The following SMARCC2 variants were observed in gnomAD, a reference collection of about 807,000 sequenced individuals.
The protein encoded by SMARCC2 is SWI/SNF related BAF chromatin remodeling complex subunit C2, also known as SWI/SNF complex subunit SMARCC2.
Under a neutral mutation model 151.3 loss-of-function variants are expected in SMARCC2, and 15 were observed. The ratio of observed to expected loss-of-function variants is 0.10; its 90% CI spans 0.07 to 0.15. SMARCC2 has a LOEUF of 0.15. SMARCC2 is among the 10% of genes least tolerant of loss of function. The probability of loss-of-function intolerance (pLI) is 1.00; values close to 1 mark genes in which losing one functional copy is unlikely to be tolerated. For missense variants in SMARCC2, 1,031 were observed against 1,599.7 expected (o/e 0.64, Z 6.06); for synonymous variants, 590 against 609.5 (o/e 0.97, Z 0.47).
rs1872022470 is a variant in SMARCC2 at position 56,162,542 on chromosome 12, AC to A, written c.*1146del. On this transcript the variant is annotated 3_prime_UTR_variant, in exon 29 of 29. Coordinates refer to ENST00000550164, the MANE Select transcript of SMARCC2 (RefSeq NM_001330288.2). ...AAGAACCAGTGCAGAGCCTGGAGTC[AC>A]ACCTGCCTTCCCGTCACAGGGGAGA... 3.9e-6 allele frequency: 2 copies of A among 506,772 alleles called. No individual in the cohort carries two copies. Among genetic ancestry groups the A allele is most frequent in the East Asian group, 6.4e-5 (2 of 31,458 alleles). 31.4% of individuals were successfully genotyped at this position (506,772 alleles called of 1,614,324 possible). A position where few individuals can be genotyped will look rare whatever the true frequency, so the allele number is the denominator to read the frequency against.
chr12:56,181,562 C>T lies in SMARCC2; in HGVS notation c.876G>A (p.Lys292=), dbSNP rs1365061780. 3 of 1,591,554 alleles carry T rather than the reference C, an allele frequency of 1.9e-6. No individual in the cohort carries two copies. In the Admixed American group the frequency reaches 5.3e-5, roughly 28 times the overall value. The change falls in exon 10 of 29, where the codon AAG becomes AAA. Residue 292 remains lysine (K), a synonymous_variant. Transcript: ENST00000550164. ...GCTTCCTCTTCTTATAGTTTCCCCCCTTCTTGTCCCGTCGATCTGAATCTG... is the reference window on the plus strand; with the variant it reads ...GCTTCCTCTTCTTATAGTTTCCCCCTTTCTTGTCCCGTCGATCTGAATCTG... ...NSPDSDRRDK[K]GGNYKKRKRS...
chr12:56,163,248 C>G lies in SMARCC2; in HGVS notation c.*441G>C, dbSNP rs1731911212. 1.3e-5 allele frequency: 2 copies of G among 151,994 alleles called. No homozygotes were observed. The highest frequency in any genetic ancestry group is 2.9e-5 in the Non-Finnish European group (2 of 68,028). The allele number at this position is 151,994 out of a possible 1,614,324, so 9.4% of individuals were successfully genotyped here. ...ATCTTAATTCCCCTTTCCTAAAACT[C>G]ACTCCCCCTCAAAAAATGTAAAAAT... is the stretch of plus-strand genomic sequence containing the variant. On this transcript the variant is annotated 3_prime_UTR_variant, in exon 29 of 29. Coordinates refer to ENST00000550164, the MANE Select transcript of SMARCC2 (RefSeq NM_001330288.2).
In SMARCC2 at chr12:56,171,154, C is replaced by A. The variant is rs1592288092; in HGVS notation, c.2347+117G>T. 1.0e-6 allele frequency: 1 copy of A among 959,814 alleles called. No homozygotes were observed. Among genetic ancestry groups the A allele is most frequent in the African/African-American group, 1.6e-5 (1 of 61,168 alleles). The allele number at this position is 959,814 out of a possible 1,614,324, so 59.5% of individuals were successfully genotyped here. On this transcript the variant is annotated intron_variant, in intron 22 of 28. Coordinates refer to ENST00000550164, the MANE Select transcript of SMARCC2 (RefSeq NM_001330288.2). The surrounding 1 kb of genome is among the most constrained non-coding windows in gnomAD (Gnocchi z 4.2). ...ACTCATGGGGAAAATAAAAACCCTA[C>A]CAATGTTCTCATTCATGTTGTGCTC...
At position 56,181,509 on chromosome 12, in the gene SMARCC2, T is replaced by C; in HGVS notation, c.929A>G (p.Glu310Gly). ...TTTCTTAGCATTTTTCTTCTTTGCT[T>C]CTGGGGTTGGTGAAGGAGAGGGGGA... Reference protein sequence around the residue: ...KRSPSPSPTPEAKKKNAKKGP... With the variant: ...KRSPSPSPTPGAKKKNAKKGP... Residue 310 changes from glutamate (E) to glycine (G), a missense_variant, in exon 10 of 29, where the codon GAA becomes GGA. Transcript: ENST00000550164. 1 of 1,555,260 alleles carries C rather than the reference T, an allele frequency of 6.4e-7. No individual in the cohort carries two copies. The highest frequency in any genetic ancestry group is 8.7e-7 in the Non-Finnish European group (1 of 1,155,734).
intron 15 of SMARCC2, among the ~76,000 whole-genome samples, chr12:56,175,212 T>G (rs1874716798): frequency 6.6e-6 from 1 of 152,178 alleles, no homozygotes. Flanking sequence ...GGTTTCTCCA[T>G]GTTGGTCAGG....
At position 56,181,492 on chromosome 12, in the gene SMARCC2, C is replaced by A; in HGVS notation, c.946G>T (p.Ala316Ser). Residue 316 changes from alanine to serine, a missense_variant, in exon 10 of 29, where the codon GCT (alanine) becomes TCT (serine). This residue lies in a region of SMARCC2 where 127 missense variants were observed against 141.7 expected (regional missense o/e 0.90). Transcript: ENST00000550164. ...TAGGGGCTGGCACACCCTTTCTTAG[C>A]ATTTTTCTTCTTTGCTTCTGGGGTT... ...SPTPEAKKKNAKKGPSTPYTK... is the reference protein window; with the variant it reads ...SPTPEAKKKNSKKGPSTPYTK... 6 of 1,532,860 alleles carry A rather than the reference C, an allele frequency of 3.9e-6. No individual in the cohort carries two copies. The highest frequency in any genetic ancestry group is 4.4e-6 in the Non-Finnish European group (5 of 1,142,040). 95.0% of individuals were successfully genotyped at this position (1,532,860 alleles called of 1,614,324 possible). A position where few individuals can be genotyped will look rare whatever the true frequency, so the allele number is the denominator to read the frequency against.
intron 1 of SMARCC2, among the ~76,000 whole-genome samples, chr12:56,188,295 T>C (rs1251246540): frequency 6.6e-6 from 1 of 152,064 alleles, no homozygotes; most frequent in African/African-American, 2.4e-5. Context: ...TAGCAGCTAT[T>C]TGTCAGGATT....
chr12:56,185,001 G>A, intron 4 of SMARCC2, 29 bp downstream of exon 4: 1 of 1,596,030 alleles, frequency 6.3e-7, no homozygotes, highest in Admixed American at 1.7e-5. Flanking sequence ...ACTGAGGGAA[G>A]GGAGATAAAT....
At chr12:56,173,945 C>G (rs1874447351) in intron 16 of SMARCC2, 96 bp from the exon 17 acceptor site, 2 of 1,078,832 alleles carry the variant, frequency 1.9e-6, no homozygotes, top group Admixed American at 4.4e-5. Context: ...TAAACCCCCT[C>G]CCCACCCAAC....
intron 14 of SMARCC2, 24 bp downstream of exon 14, chr12:56,178,380 G>A: frequency 6.2e-7 from 1 of 1,613,852 alleles, no homozygotes; most frequent in Non-Finnish European, 8.5e-7. Flanking sequence ...TAAGGACTCA[G>A]TGAGAAGTTG....
intron 15 of SMARCC2, among the ~76,000 whole-genome samples, chr12:56,176,969 G>T (rs532779458): frequency 6.6e-6 from 1 of 151,040 alleles, no homozygotes; most frequent in African/African-American, 2.4e-5. Context: ...TTACAGGCAC[G>T]TGCCACCACG....
At chr12:56,184,090 A>G (rs979664458) in intron 6 of SMARCC2, 85 bp downstream of exon 6, 1 of 1,106,916 alleles carries the variant, frequency 9.0e-7, no homozygotes, top group Non-Finnish European at 1.4e-6. Flanking sequence ...GAAGAGGAGG[A>G]GCCCAGGTAC....
At chr12:56,184,747 G>T in intron 5 of SMARCC2, 97 bp downstream of exon 5, 1 of 742,758 alleles carries the variant, frequency 1.3e-6, no homozygotes. Flanking sequence ...CACCTCTGAA[G>T]CAGAAAACAT....
At chr12:56,179,229 C>T (rs976488630) in intron 11 of SMARCC2, among the ~76,000 whole-genome samples, 173 bp from the exon 12 acceptor site, 1 of 152,192 alleles carries the variant, frequency 6.6e-6, no homozygotes, top group Non-Finnish European at 1.5e-5. Context: ...CTACTTTCCC[C>T]ACTTCTCCAA....
chr12:56,187,432 T>C (rs1395751272), intron 1 of SMARCC2, 126 bp from the exon 2 acceptor site: 2 of 888,726 alleles, frequency 2.3e-6, no homozygotes, highest in Admixed American at 2.3e-5. Flanking sequence ...TCTCCCCATT[T>C]AGTCTCTATA....
chr12:56,164,643 A>G lies in SMARCC2; in HGVS notation c.3321T>C (p.Asn1107=). The G allele has an allele frequency of 1.2e-6, 2 of 1,610,322 alleles. No homozygotes were observed. The highest frequency in any genetic ancestry group is 1.7e-6 in the Non-Finnish European group (2 of 1,177,746). ...PGSGHPGVAG[N]APLGLPFGMP... ...TGCCAAAAGGCAAACCCAAAGGAGC[A>G]TTACCCGCCACGCCTGGGTGCCCGC... The change falls in exon 28 of 29, where the codon AAT becomes AAC. Residue 1107 remains asparagine, a synonymous_variant. Coordinates refer to ENST00000550164, the MANE Select transcript of SMARCC2 (RefSeq NM_001330288.2).
rs1486480252 is a variant in SMARCC2, at chr12:56,169,578, AG to A, written c.2665del (p.Leu889SerfsTer14). 6.2e-7 allele frequency: 1 copy of A among 1,614,082 alleles called. No homozygotes were observed. Among genetic ancestry groups the A allele is most frequent in the Admixed American group, 1.7e-5 (1 of 60,008 alleles). On this transcript the variant is annotated frameshift_variant, in exon 25 of 29. Coordinates refer to ENST00000550164, the MANE Select transcript of SMARCC2 (RefSeq NM_001330288.2). LOFTEE classifies it high-confidence loss of function. ...KVERDIGEGN[L>X]STAAAAALAA... ...CAGGGCGGCGGCAGCAGCGGTGGAG[AG>A]GTTGCCCTCGCCAATGTCCCGCTCC...
intron 27 of SMARCC2, among the ~76,000 whole-genome samples, chr12:56,164,952 TA>T (rs759503138): frequency 2.6e-5 from 4 of 152,120 alleles, no homozygotes; most frequent in South Asian, 2.1e-4. Flanking sequence ...CACGCCCAGC[TA>T]ATTTTTGTAT....
In SMARCC2 at chr12:56,162,533, C is replaced by T. The variant is rs777430784; in HGVS notation, c.*1156G>A. On this transcript the variant is annotated 3_prime_UTR_variant, in exon 29 of 29. Coordinates refer to ENST00000550164, the MANE Select transcript of SMARCC2 (RefSeq NM_001330288.2). ...GGAACCAAGAAGAACCAGTGCAGAG[C>T]CTGGAGTCACACCTGCCTTCCCGTC... The T allele has an allele frequency of 7.7e-6, 4 of 522,168 alleles. No individual in the cohort carries two copies. The Admixed American group carries it at 1.4e-4, about 19-fold the overall frequency. The allele number at this position is 522,168 out of a possible 1,614,324, so 32.3% of individuals were successfully genotyped here.
Sources: allele counts gnomAD v4.1 joint callset (sites outside exome capture counted in the v4.1 genomes callset), GRCh38; gene constraint gnomAD v4.1.1; regional missense constraint gnomAD v4.1.1; non-coding constraint Gnocchi (gnomAD v3.1); transcripts MANE v1.5; gene names NCBI Gene and HGNC (gene_info 2026-07-23, HGNC 2026-07-21).